NUP210L: variants seen among roughly 807,000 people sequenced by gnomAD.
The protein encoded by NUP210L is nuclear pore membrane glycoprotein 210-like.
A neutral mutation model predicts 208.5 loss-of-function variants in NUP210L; 74 were observed. The ratio of observed to expected loss-of-function variants is 0.35; its 90% CI spans 0.29 to 0.43. The LOEUF (loss-of-function observed/expected upper bound fraction) is 0.43. Ranked by LOEUF, NUP210L falls within the 20% of genes least tolerant of loss-of-function variation. NUP210L has a pLI of 1.00. For synonymous variants in NUP210L, 780 were observed against 816.9 expected (o/e 0.95, Z 0.77); for missense variants, 1,843 against 2,289.4 (o/e 0.81, Z 3.98).
intron 10 of NUP210L, among the ~76,000 whole-genome samples, chr1:154,123,911 C>T (rs1159644830): frequency 2.7e-5 from 4 of 148,946 alleles, no homozygotes; most frequent in Non-Finnish European, 4.4e-5. Flanking sequence ...AGGCTGGGCG[C>T]GGTGGCTCAT....
exon 35 of NUP210L, chr1:154,010,093 G>A (rs1347252992): frequency 6.2e-7 from 1 of 1,613,780 alleles, no homozygotes; most frequent in African/African-American, 1.3e-5. Context: ...CTTTTGTAAT[G>A]GCCAAGGCCT....
chr1:154,085,400 A>G (rs1655576457), intron 16 of NUP210L, among the ~76,000 whole-genome samples: 1 of 151,956 alleles, frequency 6.6e-6, no homozygotes, highest in African/African-American at 2.4e-5. Context: ...CAATTATGAT[A>G]GCATCAAAAA....
chr1:154,123,042 C>T (rs1657695443), intron 10 of NUP210L, among the ~76,000 whole-genome samples: 1 of 118,000 alleles, frequency 8.5e-6, no homozygotes, highest in Admixed American at 9.7e-5. Flanking sequence ...CAGAGTGAGA[C>T]CCTGTCTCAA....
intron 13 of NUP210L, among the ~76,000 whole-genome samples, chr1:154,101,143 G>C (rs572853224): frequency 7.5e-6 from 1 of 133,672 alleles, no homozygotes; most frequent in East Asian, 2.2e-4. Flanking sequence ...TTGCACTCCA[G>C]CCTGAGCAAC....
intron 17 of NUP210L, among the ~76,000 whole-genome samples, chr1:154,067,887 A>G (rs1448226538): frequency 6.6e-6 from 1 of 152,216 alleles, no homozygotes; most frequent in Non-Finnish European, 1.5e-5. Flanking sequence ...CCAACTTACA[A>G]GGGATGTGAA....
rs909468355 is a variant in NUP210L, at chr1:154,036,916, C to T, written c.3697-6862G>A. 3.3e-5 allele frequency among the ~76,000 whole-genome samples: 5 copies of T among 152,132 alleles called. No individual in the cohort carries two copies. In the South Asian group the frequency reaches 6.2e-4, roughly 19 times the overall value. ...TAGCTTGGACTACAGGTGCATGCCA[C>T]CACACCCAGCTAATTTTTGTACTTT... On this transcript the variant is annotated intron_variant, in intron 27 of 39. Transcript: ENST00000368559.
At chr1:154,130,429 C>T (rs6693620) in intron 7 of NUP210L, among the ~76,000 whole-genome samples, 45,807 of 151,680 alleles carry the variant, frequency 0.3, 7,855 homozygotes, top group Admixed American at 0.45. Context: ...CGCACCACCT[C>T]GCCCAGCTAA....
chr1:154,050,763 TTAAC>T (rs1382192238), intron 25 of NUP210L, among the ~76,000 whole-genome samples: 2 of 152,344 alleles, frequency 1.3e-5, no homozygotes, highest in Admixed American at 6.5e-5. Context: ...ATTTTTGAAA[TTAAC>T]TAATTGGATT....
At chr1:154,022,084 C>A in intron 32 of NUP210L, 42 bp downstream of exon 32, 2 of 1,480,480 alleles carry the variant, frequency 1.4e-6, no homozygotes, top group Non-Finnish European at 1.9e-6. Flanking sequence ...TTAATCCCCA[C>A]AACTATCAAT....
intron 8 of NUP210L, among the ~76,000 whole-genome samples, chr1:154,128,098 A>G (rs1397828158): frequency 1.3e-5 from 2 of 152,064 alleles, no homozygotes; most frequent in Non-Finnish European, 2.9e-5. Context: ...TCCTCAGCTC[A>G]AGGGATGTAC....
intron 25 of NUP210L, among the ~76,000 whole-genome samples, chr1:154,048,303 A>C (rs1165041957): frequency 6.6e-6 from 1 of 152,152 alleles, no homozygotes; most frequent in African/African-American, 2.4e-5. Context: ...AGTTCTATTC[A>C]GGCAGGAATC....
chr1:154,020,528 CTATTAT>C (rs1651492035), intron 32 of NUP210L, among the ~76,000 whole-genome samples: 2 of 151,552 alleles, frequency 1.3e-5, no homozygotes, highest in African/African-American at 4.8e-5. Context: ...TTAATTATTA[CTATTAT>C]TATTATTTTT....
exon 37 of NUP210L, chr1:154,001,046 G>A (rs1187264486): frequency 1.2e-6 from 2 of 1,613,904 alleles, no homozygotes; most frequent in Non-Finnish European, 1.7e-6. Context: ...CTAGAACTGG[G>A]GAGCTGGAGA....
At chr1:154,125,561 G>T (rs1657852811) in intron 10 of NUP210L, among the ~76,000 whole-genome samples, 1 of 148,960 alleles carries the variant, frequency 6.7e-6, no homozygotes, top group African/African-American at 2.5e-5. Context: ...GGTCCAGGCT[G>T]CAGTGAGCCA....
Position 154,057,017 on chromosome 1 carries a change from C to T in NUP210L, c.3108-70G>A, listed in dbSNP as rs1012015005. ...GTTTCAAGACAGGGTCTTACTCTGT[C>T]GCCCAGGCTGGAGTGCAGTGGCATG... On this transcript the variant is annotated intron_variant, in intron 22 of 39. Coordinates refer to ENST00000368559, the Ensembl canonical transcript of NUP210L. The T allele has an allele frequency of 6.6e-6, 10 of 1,525,938 alleles. No individual in the cohort carries two copies. The African/African-American group carries it at 6.9e-5, about 11-fold the overall frequency. 94.5% of individuals were successfully genotyped at this position (1,525,938 alleles called of 1,614,324 possible).
At chr1:154,016,648 A>G (rs1307350544) in intron 33 of NUP210L, among the ~76,000 whole-genome samples, 1 of 152,048 alleles carries the variant, frequency 6.6e-6, no homozygotes, top group African/African-American at 2.4e-5. Flanking sequence ...TCAAACATTC[A>G]TTCAGGTCAC....
At chr1:153,996,362 C>T (rs1478383137) in intron 37 of NUP210L, among the ~76,000 whole-genome samples, 2 of 152,134 alleles carry the variant, frequency 1.3e-5, no homozygotes, top group Non-Finnish European at 2.9e-5. Context: ...TAACATGCTT[C>T]CCTTCACTAA....
intron 33 of NUP210L, among the ~76,000 whole-genome samples, chr1:154,014,438 CTT>C (rs1475911387): frequency 6.6e-6 from 1 of 152,096 alleles, no homozygotes; most frequent in Non-Finnish European, 1.5e-5. Context: ...TTCTAGTACT[CTT>C]TTCATGCTAC....
intron 16 of NUP210L, among the ~76,000 whole-genome samples, chr1:154,082,090 G>A (rs1358522990): frequency 1.3e-5 from 2 of 152,190 alleles, no homozygotes; most frequent in African/African-American, 4.8e-5. Context: ...CCATGGAGAG[G>A]GCATGGACGC....
Sources: allele counts gnomAD v4.1 joint callset (sites outside exome capture counted in the v4.1 genomes callset), GRCh38; gene constraint gnomAD v4.1.1; transcripts MANE v1.5; gene names NCBI Gene and HGNC (gene_info 2026-07-23, HGNC 2026-07-21).